The following PSMC2 variants were observed in gnomAD, a reference collection of about 807,000 sequenced individuals.
PSMC2 encodes the protein 26S proteasome regulatory subunit 7.
Under a neutral mutation model 53.3 loss-of-function variants are expected in PSMC2, and 7 were observed. The observed-to-expected ratio is 0.13, with a 90% CI of 0.07 to 0.25. The LOEUF (loss-of-function observed/expected upper bound fraction) is 0.25. Ranked by LOEUF, PSMC2 falls within the 10% of genes least tolerant of loss-of-function variation. The pLI is 1.00. For synonymous variants in PSMC2, 169 were observed against 183.9 expected (o/e 0.92, Z 0.66); for missense variants, 241 against 544.0 (o/e 0.44, Z 5.54).
chr7:103,355,791 C>T lies in PSMC2; in HGVS notation c.288C>T (p.Ala96=), dbSNP rs777028783. 72 of 1,609,862 alleles carry T rather than the reference C, an allele frequency of 4.5e-5. No individual in the cohort carries two copies. The highest frequency in any genetic ancestry group is 1.6e-4 in the Middle Eastern group (1 of 6,072). The change falls in exon 4 of 12, where the codon GCC becomes GCT. Residue 96 remains alanine (A), a splice_region_variant and synonymous_variant. Coordinates refer to ENST00000292644, the MANE Select transcript of PSMC2 (RefSeq NM_002803.4). Reference sequence around the variant, plus strand: ...AGAGTGAACAGCCTTTACAGGTTGCCAGGTATGCACGGGTGCTCTGTGGCA... The same window carrying T: ...AGAGTGAACAGCCTTTACAGGTTGCTAGGTATGCACGGGTGCTCTGTGGCA... ...TLQSEQPLQV[A]RCTKIINADS... is the part of the protein sequence containing the mutation.
chr7:103,365,040 T>A (rs1424317089), intron 8 of PSMC2, among the ~76,000 whole-genome samples: 1 of 149,024 alleles, frequency 6.7e-6, no homozygotes, highest in Non-Finnish European at 1.5e-5. Context: ...TGATGATTCG[T>A]ATATTTACAA....
intron 6 of PSMC2, among the ~76,000 whole-genome samples, chr7:103,363,013 C>T (rs992513522): frequency 2.6e-5 from 4 of 152,220 alleles, no homozygotes; most frequent in South Asian, 4.1e-4. Context: ...AGACTGGTTT[C>T]GAACTCATGA....
intron 4 of PSMC2, among the ~76,000 whole-genome samples, chr7:103,358,741 T>A (rs1306092038): frequency 5.9e-5 from 9 of 152,240 alleles, no homozygotes; most frequent in Admixed American, 4.6e-4. Context: ...AATTAAAAAA[T>A]CTAGGTACAT....
chr7:103,354,822 T>G, intron 2 of PSMC2, 46 bp from the exon 3 acceptor site: 1 of 1,202,520 alleles, frequency 8.3e-7, no homozygotes. Flanking sequence ...TTTTAATAAA[T>G]GGTTGATATC....
At chr7:103,352,219 A>T (rs1303473273) in intron 1 of PSMC2, among the ~76,000 whole-genome samples, 2 of 133,108 alleles carry the variant, frequency 1.5e-5, no homozygotes, top group African/African-American at 6.7e-5. Flanking sequence ...CTTAGTTAAA[A>T]AAAAAAAAAA....
At chr7:103,360,923 C>A (rs1363089603) in intron 4 of PSMC2, among the ~76,000 whole-genome samples, 1 of 151,756 alleles carries the variant, frequency 6.6e-6, no homozygotes, top group Non-Finnish European at 1.5e-5. Context: ...ACCAGCCTGG[C>A]CAACATGGTG....
chr7:103,349,454 C>CT lies in PSMC2; in HGVS notation c.70+1684dup, dbSNP rs113600623. The stretch of plus-strand genomic sequence containing the variant: ...TCTTATGCGTTTATTCATACATACC[C>CT]TTTTTTTTTTTGAGATGGAGTCTTG... On this transcript the variant is annotated intron_variant, in intron 1 of 11. Transcript: ENST00000292644. Among the ~76,000 whole-genome samples the CT allele has an allele frequency of 5.8e-3, 851 of 146,434 alleles. 3 individuals carry two copies. Among genetic ancestry groups the CT allele is most frequent in the Non-Finnish European group, 9.5e-3 (626 of 66,104 alleles).
chr7:103,360,332 T>G (rs989148707), intron 4 of PSMC2, among the ~76,000 whole-genome samples: 1 of 151,378 alleles, frequency 6.6e-6, no homozygotes, highest in African/African-American at 2.4e-5. Context: ...GTTGTTCTTG[T>G]TTTTCCTTTC....
At chr7:103,350,337 T>C (rs1819699501) in intron 1 of PSMC2, among the ~76,000 whole-genome samples, 1 of 152,230 alleles carries the variant, frequency 6.6e-6, no homozygotes, top group Non-Finnish European at 1.5e-5. Context: ...AAACTGTTTT[T>C]CCTATCTGTA....
Position 103,347,682 on chromosome 7 carries a change from T to G in PSMC2, c.-30T>G. On this transcript the variant is annotated 5_prime_UTR_variant, in exon 1 of 12. The change creates a new upstream start codon in the 5' untranslated region. Transcript: ENST00000292644. ...AGCAAGGAAGGTGCTGTGTAATCAT[T>G]AAGGAGCGGAGGCTTTTGGAGCTGC... 6.2e-7 allele frequency: 1 copy of G among 1,613,320 alleles called. No homozygotes were observed. Among genetic ancestry groups the G allele is most frequent in the Non-Finnish European group, 8.5e-7 (1 of 1,179,456 alleles).
At chr7:103,348,335 C>G (rs1819649989) in intron 1 of PSMC2, among the ~76,000 whole-genome samples, 1 of 152,182 alleles carries the variant, frequency 6.6e-6, no homozygotes, top group Non-Finnish European at 1.5e-5. Flanking sequence ...ATATTCTATA[C>G]ATATACAAGC....
At chr7:103,355,099 C>T (rs1392336556) in intron 3 of PSMC2, 150 bp downstream of exon 3, 5 of 640,396 alleles carry the variant, frequency 7.8e-6, no homozygotes, top group East Asian at 5.5e-5. Flanking sequence ...TCTCATTTAA[C>T]CATATCTTTC....
chr7:103,368,291 G>A lies in PSMC2; in HGVS notation c.*237G>A, dbSNP rs1218543564. ...TTAAGGATTTCACATCATACAAAGC[G>A]CTTGCTTAGATGGCTTCTATCCTAG... is the stretch of plus-strand genomic sequence containing the variant. On this transcript the variant is annotated 3_prime_UTR_variant, in exon 12 of 12. Coordinates refer to ENST00000292644, the MANE Select transcript of PSMC2 (RefSeq NM_002803.4). 7 of 404,404 alleles carry A rather than the reference G, an allele frequency of 1.7e-5. No individual in the cohort carries two copies. Among genetic ancestry groups the A allele is most frequent in the East Asian group, 8.8e-5 (2 of 22,802 alleles). The allele number at this position is 404,404 out of a possible 1,614,324, so 25.1% of individuals were successfully genotyped here.
chr7:103,351,961 C>T (rs940304107), intron 1 of PSMC2, among the ~76,000 whole-genome samples: 9 of 151,754 alleles, frequency 5.9e-5, no homozygotes, highest in Non-Finnish European at 1.3e-4. Flanking sequence ...GTTCTTATGA[C>T]TTCCGAGTGG....
chr7:103,351,510 A>G (rs139528214), intron 1 of PSMC2, among the ~76,000 whole-genome samples: 94 of 152,342 alleles, frequency 6.2e-4, no homozygotes, highest in African/African-American at 1.7e-3. Context: ...TGCCTAGAAC[A>G]TACCAAAATT....
intron 4 of PSMC2, among the ~76,000 whole-genome samples, chr7:103,360,271 C>G (rs1440103864): frequency 6.6e-6 from 1 of 151,966 alleles, no homozygotes; most frequent in East Asian, 1.9e-4. Context: ...AATGTGTCAC[C>G]TCTGGAAATC....
intron 4 of PSMC2, 88 bp downstream of exon 4, chr7:103,355,881 T>A: frequency 1.1e-6 from 1 of 877,610 alleles, no homozygotes; most frequent in Non-Finnish European, 1.7e-6. Context: ...CAATAGTTCA[T>A]AAATAATTTT....
chr7:103,355,101 A>G, intron 3 of PSMC2, 152 bp downstream of exon 3: 1 of 634,538 alleles, frequency 1.6e-6, no homozygotes, highest in Non-Finnish European at 2.7e-6. Flanking sequence ...TCATTTAACC[A>G]TATCTTTCAC....
intron 1 of PSMC2, chr7:103,348,600 G>C: frequency 9.6e-7 from 1 of 1,046,874 alleles, no homozygotes; most frequent in Admixed American, 1.7e-5. Context: ...CTGAGACCAA[G>C]ATGGGTCACC....
Sources: gnomAD v4.1 joint callset for allele counts (sites outside exome capture counted in the v4.1 genomes callset) on GRCh38, gnomAD v4.1.1 for gene constraint, MANE v1.5 for transcripts, NCBI Gene and HGNC (gene_info 2026-07-23, HGNC 2026-07-21) for gene names.